The following EPB41L2 variants were observed in gnomAD, a reference collection of about 807,000 sequenced individuals.
EPB41L2 encodes the protein band 4.1-like protein 2.
EPB41L2 carries 43 observed loss-of-function variants against 113.0 expected under a neutral mutation model. The observed-to-expected ratio is 0.38, with a 90% CI of 0.30 to 0.49. The LOEUF is 0.49. Among genes scored for constraint, EPB41L2 ranks in the 20% least tolerant of loss-of-function variants. The pLI is 0.95. For synonymous variants in EPB41L2, 442 were observed against 436.7 expected, an observed-to-expected ratio of 1.01 and a Z score of -0.15; for missense variants, 1,147 against 1,223.4, an observed-to-expected ratio of 0.94 and a Z score of 0.93.
At chr6:130,871,335 T>C (rs969738678) in intron 14 of EPB41L2, among the ~76,000 whole-genome samples, 1 of 152,202 alleles carries the variant, frequency 6.6e-6, no homozygotes, top group East Asian at 1.9e-4. Context: ...CTACTGCCTA[T>C]GATCTAACTT....
chr6:130,951,445 C>T lies in EPB41L2; in HGVS notation c.705+3660G>A, dbSNP rs9483198. ...AGTCAAGTGATTCTCCTGCCTCAGTCTCCCCAGTAGCTGGGATTATAGGCA... is the reference window on the plus strand; with the variant it reads ...AGTCAAGTGATTCTCCTGCCTCAGTTTCCCCAGTAGCTGGGATTATAGGCA... On this transcript the variant is annotated intron_variant, in intron 3 of 19. Coordinates refer to ENST00000337057, the MANE Select transcript of EPB41L2 (RefSeq NM_001431.4). 8.0e-3 allele frequency among the ~76,000 whole-genome samples: 1,196 copies of T among 149,330 alleles called. 11 individuals are homozygous for T. Among genetic ancestry groups the T allele is most frequent in the African/African-American group, 0.026 (1,059 of 40,676 alleles).
At chr6:130,909,366 C>A (rs573945637) in intron 4 of EPB41L2, among the ~76,000 whole-genome samples, 4 of 152,188 alleles carry the variant, frequency 2.6e-5, no homozygotes, top group Admixed American at 2.6e-4. Context: ...TTCCCTCCAA[C>A]TCTATAATTG....
At chr6:131,002,306 A>G (rs950140877) in intron 1 of EPB41L2, among the ~76,000 whole-genome samples, 4 of 152,226 alleles carry the variant, frequency 2.6e-5, no homozygotes, top group Admixed American at 6.5e-5. Flanking sequence ...GAGAACGTAC[A>G]AGGCCCTCTG....
intron 1 of EPB41L2, among the ~76,000 whole-genome samples, chr6:131,008,773 T>G (rs1419293392): frequency 6.6e-6 from 1 of 152,232 alleles, no homozygotes; most frequent in Non-Finnish European, 1.5e-5. Context: ...AAAGTTTAAT[T>G]ACTGCCCTAT....
At chr6:130,850,510 A>G (rs894419194) in intron 19 of EPB41L2, among the ~76,000 whole-genome samples, 1 of 152,188 alleles carries the variant, frequency 6.6e-6, no homozygotes, top group Non-Finnish European at 1.5e-5. Context: ...AAGTGGAGGA[A>G]AAAGCAAGAA....
At chr6:130,984,156 T>G (rs1239767556) in intron 1 of EPB41L2, among the ~76,000 whole-genome samples, 1 of 152,220 alleles carries the variant, frequency 6.6e-6, no homozygotes, top group African/African-American at 2.4e-5. Flanking sequence ...CTTGTGCTTT[T>G]AGAAGGTCCG....
intron 1 of EPB41L2, among the ~76,000 whole-genome samples, chr6:131,009,914 C>T (rs1313858537): frequency 1.3e-5 from 2 of 152,146 alleles, no homozygotes; most frequent in African/African-American, 2.4e-5. Context: ...AGTTTATTGT[C>T]CAAATATAAT....
At chr6:130,905,232 C>T (rs745427902) in intron 5 of EPB41L2, among the ~76,000 whole-genome samples, 7 of 151,750 alleles carry the variant, frequency 4.6e-5, no homozygotes, top group South Asian at 2.1e-4. Flanking sequence ...GCTATTTATA[C>T]GTAAAATTTA....
At chr6:131,061,346 T>A (rs1798619163) in intron 1 of EPB41L2, among the ~76,000 whole-genome samples, 1 of 152,212 alleles carries the variant, frequency 6.6e-6, no homozygotes, top group African/African-American at 2.4e-5. Flanking sequence ...TTACCACTTG[T>A]ACAGTTCTCC....
chr6:130,904,910 T>G (rs1797273880), intron 5 of EPB41L2, among the ~76,000 whole-genome samples: 1 of 112,374 alleles, frequency 8.9e-6, no homozygotes, highest in African/African-American at 3.3e-5. Flanking sequence ...CCAAATATTC[T>G]CCACCCTTTT....
chr6:131,041,532 T>C (rs544646050), intron 1 of EPB41L2, among the ~76,000 whole-genome samples: 3 of 152,304 alleles, frequency 2.0e-5, no homozygotes, highest in Non-Finnish European at 2.9e-5. Context: ...CTAGGAAGGA[T>C]TCTATACTCC....
intron 4 of EPB41L2, among the ~76,000 whole-genome samples, chr6:130,920,410 C>A (rs999538185): frequency 2.0e-5 from 3 of 152,176 alleles, no homozygotes; most frequent in African/African-American, 7.2e-5. Context: ...GGTTTACATC[C>A]TCTAGTATCA....
intron 1 of EPB41L2, among the ~76,000 whole-genome samples, chr6:131,051,447 T>C (rs1340164047): frequency 1.7e-4 from 6 of 35,642 alleles, no homozygotes; most frequent in African/African-American, 9.2e-4. Flanking sequence ...TTCACAAAAG[T>C]AAAGCAAAAA....
chr6:130,939,311 T>C (rs1297405947), intron 3 of EPB41L2, among the ~76,000 whole-genome samples: 1 of 151,920 alleles, frequency 6.6e-6, no homozygotes, highest in Non-Finnish European at 1.5e-5. Context: ...TGGAGTGCAG[T>C]GGTGTGATCA....
chr6:130,948,806 T>TA (rs1208760814), intron 3 of EPB41L2, among the ~76,000 whole-genome samples: 1 of 152,056 alleles, frequency 6.6e-6, no homozygotes, highest in South Asian at 2.1e-4. Flanking sequence ...TATATGATGG[T>TA]AAAAAAAGAA....
chr6:131,011,690 T>G (rs1033702745), intron 1 of EPB41L2, among the ~76,000 whole-genome samples: 1 of 152,140 alleles, frequency 6.6e-6, no homozygotes, highest in Non-Finnish European at 1.5e-5. Flanking sequence ...TTCTTTGGCT[T>G]CTCTCCCACC....
intron 1 of EPB41L2, among the ~76,000 whole-genome samples, chr6:130,994,953 T>C (rs984511663): frequency 6.6e-6 from 1 of 150,786 alleles, no homozygotes; most frequent in Non-Finnish European, 1.5e-5. Context: ...TCTCCCGCCT[T>C]TGCTTCAAGT....
intron 1 of EPB41L2, among the ~76,000 whole-genome samples, chr6:131,029,500 AT>A (rs1355005005): frequency 6.6e-6 from 1 of 152,098 alleles, no homozygotes; most frequent in Non-Finnish European, 1.5e-5. Context: ...CTATACTTAC[AT>A]TCTACAATTT....
intron 4 of EPB41L2, among the ~76,000 whole-genome samples, chr6:130,922,455 A>C (rs993449945): frequency 2.6e-5 from 4 of 152,206 alleles, no homozygotes; most frequent in Admixed American, 6.5e-5. Flanking sequence ...GACTGACAGA[A>C]GGTTTACAAC....
Sources: gnomAD v4.1 joint callset for allele counts (sites outside exome capture counted in the v4.1 genomes callset) on GRCh38, gnomAD v4.1.1 for gene constraint, MANE v1.5 for transcripts, NCBI Gene and HGNC (gene_info 2026-07-23, HGNC 2026-07-21) for gene names.